Variants in TLN2 observed in about 807,000 individuals in gnomAD.
TLN2 encodes the protein talin 2.
TLN2 carries 118 observed loss-of-function variants against 294.7 expected under a neutral mutation model. That is an observed-to-expected ratio of 0.40 (90% confidence interval 0.34 to 0.47). TLN2 has a LOEUF of 0.47. Among genes scored for constraint, TLN2 ranks in the 20% least tolerant of loss-of-function variants. TLN2 has a pLI of 0.84. For missense variants in TLN2, 3,083 were observed against 3,282.2 expected (o/e 0.94, Z 1.48); for synonymous variants, 1,431 against 1,304.5 (o/e 1.10, Z -2.09).
chr15:62,523,178 C>T (rs998211649), intron 1 of TLN2, among the ~76,000 whole-genome samples: 3 of 152,124 alleles, frequency 2.0e-5, no homozygotes. Flanking sequence ...TCTTACAGAG[C>T]CCCGAAGCCA....
chr15:62,805,793 G>C lies in TLN2; in HGVS notation c.6663+8G>C. ...ATGTTGACGGCTTGCAAGGTAAAGAGCTTGGCATGGTTTTGGATGGACAGA... is the reference window on the plus strand; with the variant it reads ...ATGTTGACGGCTTGCAAGGTAAAGACCTTGGCATGGTTTTGGATGGACAGA... On this transcript the variant is annotated splice_region_variant and intron_variant, in intron 51 of 58. Transcript: ENST00000636159. 6.2e-7 allele frequency: 1 copy of C among 1,611,008 alleles called. No individual in the cohort carries two copies. Among genetic ancestry groups the C allele is most frequent in the Non-Finnish European group, 8.5e-7 (1 of 1,177,794 alleles).
rs537041096 is a variant in TLN2 at position 62,525,534 on chromosome 15, A to G, written c.-237-64153A>G. On this transcript the variant is annotated intron_variant, in intron 1 of 58. Transcript: ENST00000636159. Reference sequence around the variant, plus strand: ...CAGAACAATGTGTGAGGTTAGTACAATGTCTTTTCTGTGGTAATGTTGCAA... The same window carrying G: ...CAGAACAATGTGTGAGGTTAGTACAGTGTCTTTTCTGTGGTAATGTTGCAA... 1.5e-4 allele frequency among the ~76,000 whole-genome samples: 23 copies of G among 152,238 alleles called. 1 individual carries two copies. The highest frequency in any genetic ancestry group is 5.5e-4 in the African/African-American group (23 of 41,538).
Position 62,686,512 on chromosome 15 carries a change from G to T in TLN2, c.958-129G>T, listed in dbSNP as rs1043490551. 6 of 1,112,514 alleles carry T rather than the reference G, an allele frequency of 5.4e-6. No homozygotes were observed. The African/African-American group carries it at 7.9e-5, about 15-fold the overall frequency. 68.9% of individuals were successfully genotyped at this position (1,112,514 alleles called of 1,614,324 possible). On this transcript the variant is annotated intron_variant, in intron 11 of 58. Coordinates refer to ENST00000636159, the MANE Select transcript of TLN2 (RefSeq NM_015059.3). ...TTATTCACCTAGCCTCAAAATCTTG[G>T]TTTCCCTATAGCCCTACCTGTTTTG...
intron 1 of TLN2, among the ~76,000 whole-genome samples, chr15:62,442,783 A>G (rs530808455): frequency 6.6e-6 from 1 of 152,320 alleles, no homozygotes; most frequent in East Asian, 1.9e-4. Flanking sequence ...AGCAACACAC[A>G]TTTATTAACT....
intron 1 of TLN2, among the ~76,000 whole-genome samples, chr15:62,530,187 T>C (rs1274447694): frequency 6.6e-6 from 1 of 152,160 alleles, no homozygotes; most frequent in Non-Finnish European, 1.5e-5. Flanking sequence ...CGAGACTCTG[T>C]CTCAAAAGAT....
chr15:62,717,312 T>A (rs1013669342), intron 23 of TLN2, among the ~76,000 whole-genome samples: 1 of 152,206 alleles, frequency 6.6e-6, no homozygotes, highest in African/African-American at 2.4e-5. Flanking sequence ...GGAATCATCC[T>A]TTTTGTTTTT....
chr15:62,750,578 G>A, intron 34 of TLN2, 87 bp downstream of exon 34: 1 of 1,169,946 alleles, frequency 8.5e-7, no homozygotes, highest in South Asian at 1.2e-5. Flanking sequence ...GCATCTGCCT[G>A]TGGCTGGTCT....
At chr15:62,724,149 C>CA (rs1198502767) in intron 26 of TLN2, among the ~76,000 whole-genome samples, 2 of 151,846 alleles carry the variant, frequency 1.3e-5, no homozygotes, top group East Asian at 1.9e-4. Flanking sequence ...CTCTGTCTCC[C>CA]AAAAAAATAG....
intron 3 of TLN2, among the ~76,000 whole-genome samples, chr15:62,620,791 A>G (rs1159041238): frequency 4.3e-5 from 6 of 139,388 alleles, no homozygotes; most frequent in Non-Finnish European, 6.2e-5. Context: ...CCCAAAGTGA[A>G]TTTTCAGATT....
intron 3 of TLN2, among the ~76,000 whole-genome samples, chr15:62,631,210 G>T (rs965917492): frequency 6.6e-5 from 10 of 151,804 alleles, no homozygotes; most frequent in Admixed American, 6.6e-4. Flanking sequence ...TCCTCTCCTT[G>T]TCTTGACTTC....
intron 9 of TLN2, among the ~76,000 whole-genome samples, chr15:62,663,794 T>C (rs2054196824): frequency 6.6e-6 from 1 of 152,032 alleles, no homozygotes. Flanking sequence ...GTAAATGCTA[T>C]GTTATTGCTA....
intron 15 of TLN2, among the ~76,000 whole-genome samples, chr15:62,698,229 C>T (rs1287513207): frequency 6.6e-6 from 1 of 152,210 alleles, no homozygotes. Flanking sequence ...TCATTGATTC[C>T]TTTCCACTGT....
chr15:62,511,210 TGAACGTG>T (rs1243775848), intron 1 of TLN2, among the ~76,000 whole-genome samples: 2 of 152,242 alleles, frequency 1.3e-5, no homozygotes, highest in African/African-American at 4.8e-5. Flanking sequence ...TAATGACATA[TGAACGTG>T]GTAAAATATA....
chr15:62,731,006 A>G (rs1316630113), intron 28 of TLN2, among the ~76,000 whole-genome samples: 1 of 152,026 alleles, frequency 6.6e-6, no homozygotes, highest in South Asian at 2.1e-4. Context: ...TCATGCTTTA[A>G]TCTCAGTATC....
chr15:62,438,041 G>A (rs2035378540), intron 1 of TLN2, among the ~76,000 whole-genome samples: 1 of 152,140 alleles, frequency 6.6e-6, no homozygotes, highest in South Asian at 2.1e-4. Context: ...CACTGGGGAA[G>A]GCAAGTGTTA....
chr15:62,697,606 C>G, intron 14 of TLN2, 82 bp from the exon 15 acceptor site: 1 of 1,457,712 alleles, frequency 6.9e-7, no homozygotes, highest in Non-Finnish European at 9.2e-7. Context: ...AAGCAGGGAA[C>G]ATACGTGACA....
intron 1 of TLN2, among the ~76,000 whole-genome samples, chr15:62,432,312 T>C (rs147749394): frequency 6.6e-6 from 1 of 152,128 alleles, no homozygotes; most frequent in African/African-American, 2.4e-5. Flanking sequence ...GAACAGACAT[T>C]TATTTGTCTC....
chr15:62,423,223 G>T (rs750420098), intron 1 of TLN2, among the ~76,000 whole-genome samples: 2 of 152,014 alleles, frequency 1.3e-5, no homozygotes, highest in Non-Finnish European at 2.9e-5. Context: ...GCGACACCTC[G>T]TCTCTACAAA....
intron 1 of TLN2, among the ~76,000 whole-genome samples, chr15:62,434,949 GT>G (rs1293332251): frequency 6.6e-6 from 1 of 152,154 alleles, no homozygotes; most frequent in Admixed American, 6.5e-5. Context: ...AAAGTGTGTT[GT>G]TTCCCGCTAT....
Sources: gnomAD v4.1 joint callset for allele counts (sites outside exome capture counted in the v4.1 genomes callset) on GRCh38, gnomAD v4.1.1 for gene constraint, MANE v1.5 for transcripts, NCBI Gene and HGNC (gene_info 2026-07-23, HGNC 2026-07-21) for gene names.